SLC9A9: variants seen among roughly 807,000 people sequenced by gnomAD.
SLC9A9 encodes the protein solute carrier family 9 member A9, also known as sodium/hydrogen exchanger 9.
Under a neutral mutation model 77.8 loss-of-function variants are expected in SLC9A9, and 62 were observed. The ratio of observed to expected loss-of-function variants is 0.80; its 90% confidence interval spans 0.65 to 0.98. SLC9A9 has a LOEUF of 0.98. Ranked by LOEUF, SLC9A9 falls within the 50% of genes least tolerant of loss-of-function variation. The pLI is 0.00. For missense variants in SLC9A9, 775 were observed against 774.9 expected, an observed-to-expected ratio of 1.00 and a Z score of 0.00; for synonymous variants, 320 against 283.5, an observed-to-expected ratio of 1.13 and a Z score of -1.29.
rs188185425 is a variant in SLC9A9, at chr3:143,586,813, C to A, written c.756-8090G>T. 5.5e-3 allele frequency among the ~76,000 whole-genome samples: 834 copies of A among 152,270 alleles called. 2 individuals carry two copies. The highest frequency in any genetic ancestry group is 8.0e-3 in the Non-Finnish European group (545 of 68,022). ...CTTCAGAAATTGGGGGCATTCCAGG[C>A]ACCCTGGGAGGTTAGAAGAGCTGCT... On this transcript the variant is annotated intron_variant, in intron 6 of 15. Coordinates refer to ENST00000316549, the MANE Select transcript of SLC9A9 (RefSeq NM_173653.4).
chr3:143,702,234 C>G (rs1933823650), intron 4 of SLC9A9, among the ~76,000 whole-genome samples: 1 of 152,096 alleles, frequency 6.6e-6, no homozygotes, highest in African/African-American at 2.4e-5. Context: ...ACAAAACTCA[C>G]TGGTAATAGT....
At chr3:143,805,835 T>G (rs2008697053) in intron 2 of SLC9A9, among the ~76,000 whole-genome samples, 2 of 152,114 alleles carry the variant, frequency 1.3e-5, no homozygotes, top group Non-Finnish European at 2.9e-5. Flanking sequence ...AACTCTCTTT[T>G]CGGACTCAGC....
chr3:143,453,556 A>G (rs2035041675), intron 12 of SLC9A9, among the ~76,000 whole-genome samples: 1 of 152,194 alleles, frequency 6.6e-6, no homozygotes, highest in Non-Finnish European at 1.5e-5. Context: ...TTAAAAGAAG[A>G]AGAAAACTGT....
chr3:143,601,511 C>G (rs550119926), intron 6 of SLC9A9, among the ~76,000 whole-genome samples: 1 of 152,310 alleles, frequency 6.6e-6, no homozygotes, highest in Non-Finnish European at 1.5e-5. Flanking sequence ...GGGGAGCCAG[C>G]GTTTCTATTC....
At chr3:143,719,722 T>C (rs948133674) in intron 4 of SLC9A9, among the ~76,000 whole-genome samples, 1 of 152,234 alleles carries the variant, frequency 6.6e-6, no homozygotes, top group South Asian at 2.1e-4. Context: ...CATACTGCTA[T>C]AGTAGTACTG....
chr3:143,525,209 T>C (rs144786454), intron 9 of SLC9A9, among the ~76,000 whole-genome samples: 2,187 of 152,330 alleles, frequency 0.014, 31 homozygotes, highest in Middle Eastern at 0.02. Context: ...TTTAGACTTA[T>C]GTTAAATGTT....
chr3:143,581,998 G>A lies in SLC9A9; in HGVS notation c.756-3275C>T, dbSNP rs906849587. Among the ~76,000 whole-genome samples, 9 of 152,270 alleles carry A rather than the reference G, an allele frequency of 5.9e-5. No homozygotes were observed. In the East Asian group the frequency reaches 1.4e-3, roughly 23 times the overall value. ...CATGGCAGGGTATAAAAAGGCTGAC[G>A]GAATGAAGGTGCGGGACAACTGGAA... On this transcript the variant is annotated intron_variant, in intron 6 of 15. Transcript: ENST00000316549.
At chr3:143,683,628 G>C (rs950166122) in intron 5 of SLC9A9, among the ~76,000 whole-genome samples, 1 of 152,084 alleles carries the variant, frequency 6.6e-6, no homozygotes, top group African/African-American at 2.4e-5. Context: ...GTGCCGTCAC[G>C]ACATGTAAGA....
intron 12 of SLC9A9, among the ~76,000 whole-genome samples, chr3:143,421,908 C>A (rs562160946): frequency 6.6e-6 from 1 of 152,136 alleles, no homozygotes; most frequent in South Asian, 2.1e-4. Flanking sequence ...AACGAATAAT[C>A]CCATGAAAAA....
intron 4 of SLC9A9, among the ~76,000 whole-genome samples, chr3:143,738,079 A>T (rs1252013561): frequency 1.3e-5 from 2 of 151,952 alleles, no homozygotes; most frequent in East Asian, 3.9e-4. Context: ...CATTTCCTAG[A>T]CTCTGTTACC....
intron 12 of SLC9A9, among the ~76,000 whole-genome samples, chr3:143,425,986 T>TC (rs1387884706): frequency 1.2e-3 from 175 of 150,884 alleles, no homozygotes; most frequent in African/African-American, 3.6e-3. Flanking sequence ...TTTTTTTTTT[T>TC]CCTAAAAAGA....
At chr3:143,390,463 G>A (rs928393082) in intron 12 of SLC9A9, among the ~76,000 whole-genome samples, 1 of 152,160 alleles carries the variant, frequency 6.6e-6, no homozygotes, top group African/African-American at 2.4e-5. Context: ...TACATGTAAG[G>A]GGTGAATTGT....
chr3:143,689,022 C>T (rs1933367167), intron 5 of SLC9A9, among the ~76,000 whole-genome samples: 1 of 151,830 alleles, frequency 6.6e-6, no homozygotes, highest in Admixed American at 6.6e-5. Flanking sequence ...CAATCTTACT[C>T]ATAATAAAAG....
intron 6 of SLC9A9, among the ~76,000 whole-genome samples, chr3:143,602,782 C>A (rs2037865043): frequency 6.6e-6 from 1 of 152,132 alleles, no homozygotes; most frequent in Non-Finnish European, 1.5e-5. Context: ...CCAAAGAAAC[C>A]CCTTTAACCT....
chr3:143,332,428 G>A (rs1274240807), intron 14 of SLC9A9, among the ~76,000 whole-genome samples: 2 of 152,212 alleles, frequency 1.3e-5, no homozygotes. Flanking sequence ...TCTCTATACT[G>A]ATTTGATTAT....
intron 12 of SLC9A9, among the ~76,000 whole-genome samples, chr3:143,413,445 G>A (rs1245409111): frequency 6.6e-6 from 1 of 152,116 alleles, no homozygotes; most frequent in Non-Finnish European, 1.5e-5. Context: ...ACTCATTCCC[G>A]ATTACAGACT....
chr3:143,817,372 T>C (rs922927296), intron 2 of SLC9A9, among the ~76,000 whole-genome samples: 4 of 151,608 alleles, frequency 2.6e-5, no homozygotes, highest in Non-Finnish European at 4.4e-5. Flanking sequence ...ATGGTCTCGA[T>C]CTCCTGACCT....
chr3:143,803,683 C>G (rs182696101), intron 2 of SLC9A9, among the ~76,000 whole-genome samples: 100 of 152,260 alleles, frequency 6.6e-4, no homozygotes, highest in African/African-American at 2.4e-3. Flanking sequence ...CTATCTCTCC[C>G]CAGCTATCTC....
intron 14 of SLC9A9, among the ~76,000 whole-genome samples, chr3:143,273,797 C>T (rs1021846294): frequency 3.3e-5 from 5 of 152,134 alleles, no homozygotes; most frequent in African/African-American, 7.2e-5. Context: ...GGGAAGTAAA[C>T]GAAGACACTG....
Sources: allele counts gnomAD v4.1 joint callset (sites outside exome capture counted in the v4.1 genomes callset), GRCh38; gene constraint gnomAD v4.1.1; transcripts MANE v1.5; gene names NCBI Gene and HGNC (gene_info 2026-07-23, HGNC 2026-07-21).